BRCA1: variants seen among roughly 807,000 people sequenced by gnomAD.
The protein encoded by BRCA1 is BRCA1 DNA repair associated, also known as breast cancer type 1 susceptibility protein.
BRCA1 carries 140 observed loss-of-function variants against 173.7 expected under a neutral mutation model. The observed-to-expected ratio is 0.81, with a 90% CI of 0.70 to 0.93. The LOEUF (loss-of-function observed/expected upper bound fraction) is 0.93. BRCA1 is among the 40% of genes least tolerant of loss of function. The pLI, the probability that BRCA1 is intolerant of heterozygous loss-of-function variation, is 0.00. For synonymous variants in BRCA1, 662 were observed against 756.0 expected (o/e 0.88, Z 2.04); for missense variants, 1,983 against 2,172.5 (o/e 0.91, Z 1.73).
chr17:43,147,056 G>A (rs2056127097), intron 1 of BRCA1, among the ~76,000 whole-genome samples: 1 of 152,198 alleles, frequency 6.6e-6, no homozygotes, highest in Admixed American at 6.5e-5. Context: ...CCAGGCTAGA[G>A]TGCAATGGCG....
intron 2 of BRCA1, among the ~76,000 whole-genome samples, chr17:43,122,000 A>G (rs1300217858): frequency 2.6e-5 from 4 of 152,150 alleles, no homozygotes; most frequent in Non-Finnish European, 1.5e-5. Context: ...TTTTCCTACA[A>G]TGTCATTTCC....
Position 43,161,362 on chromosome 17 carries a change from C to T in BRCA1, c.-20+8764G>A, listed in dbSNP as rs570571768. 1.1e-4 allele frequency: 16 copies of T among 152,234 alleles called. No individual in the cohort carries two copies. The East Asian group carries it at 3.1e-3, about 29-fold the overall frequency. 9.4% of individuals were successfully genotyped at this position (152,234 alleles called of 1,614,324 possible). A position where few individuals can be genotyped will look rare whatever the true frequency, so the allele number is the denominator to read the frequency against. Reference sequence around the variant, plus strand: ...ATACTGTATGATTCTCTCAGGGGGCCATTTATCATTGTTTCAATTTCTTAT... The same window carrying T: ...ATACTGTATGATTCTCTCAGGGGGCTATTTATCATTGTTTCAATTTCTTAT... On this transcript the variant is annotated intron_variant, in intron 1 of 7. Transcript: ENST00000634433.
In BRCA1 at chr17:43,099,811, T is replaced by C. The variant is rs777515082; in HGVS notation, c.511A>G (p.Ile171Val). ...TAGACAGACGTCTTTTGAGGTTGTA[T>C]CCGCTGCTTTGTCCTCAGAGTTCTC... ...TVRTLRTKQRIQPQKTSVYIE... is the reference protein window; with the variant it reads ...TVRTLRTKQRVQPQKTSVYIE... The change falls in exon 7 of 23, where the codon ATA becomes GTA. Residue 171 changes from isoleucine (I) to valine (V), a missense_variant. Physicochemically the swap from Ile to Val is conservative, Grantham distance 29. Transcript: ENST00000357654. 1 of 1,613,592 alleles carries C rather than the reference T, an allele frequency of 6.2e-7. No individual in the cohort carries two copies. The highest frequency in any genetic ancestry group is 1.1e-5 in the South Asian group (1 of 91,074).
upstream of BRCA1, among the ~76,000 whole-genome samples, chr17:43,128,997 G>T (rs1249725449): frequency 1.3e-5 from 2 of 152,050 alleles, no homozygotes; most frequent in Non-Finnish European, 2.9e-5. Context: ...CTCTGGTGGA[G>T]ACAGTAACCA....
chr17:43,164,059 A>G (rs1455432852), intron 1 of BRCA1: 2 of 152,250 alleles, frequency 1.3e-5, no homozygotes, highest in Non-Finnish European at 1.5e-5. Flanking sequence ...GTGCACAAGC[A>G]TAACAATTGC....
intron 13 of BRCA1, 34 bp downstream of exon 13, chr17:43,076,454 G>C (rs2154055741): frequency 6.2e-7 from 1 of 1,610,266 alleles, no homozygotes; most frequent in Non-Finnish European, 8.5e-7. Context: ...AAAGATGTCA[G>C]ATACCACAGC....
At chr17:43,126,163 G>T (rs575394096), upstream of BRCA1, among the ~76,000 whole-genome samples, 23 of 152,232 alleles carry the variant, frequency 1.5e-4, no homozygotes, top group Non-Finnish European at 2.9e-4. Flanking sequence ...GGGGAAATGC[G>T]CTCTGGCCCA....
chr17:43,146,489 T>C (rs1426361032), intron 1 of BRCA1, among the ~76,000 whole-genome samples: 1 of 151,796 alleles, frequency 6.6e-6, no homozygotes, highest in Non-Finnish European at 1.5e-5. Flanking sequence ...TTCGTATTTT[T>C]AGTAGAGACG....
At chr17:43,063,790 A>T (rs2051899672) in intron 17 of BRCA1, 84 bp downstream of exon 17, 2 of 1,130,194 alleles carry the variant, frequency 1.8e-6, no homozygotes, top group Middle Eastern at 2.1e-4. Flanking sequence ...AGCATCAGCA[A>T]AAACCTTAGG....
chr17:43,044,804 C>CTTTTT lies in BRCA1; in HGVS notation c.*869_*873dup, dbSNP rs59541324. 2 of 381,490 alleles carry CTTTTT rather than the reference C, an allele frequency of 5.2e-6. No individual in the cohort carries two copies. Among genetic ancestry groups the CTTTTT allele is most frequent in the African/African-American group, 2.7e-5 (1 of 37,618 alleles). The allele number at this position is 381,490 out of a possible 1,614,324, so 23.6% of individuals were successfully genotyped here. On this transcript the variant is annotated 3_prime_UTR_variant, in exon 23 of 23. Transcript: ENST00000357654. ...AGAAATCTCTTCTAGTTTCATTTTC[C>CTTTTT]TTTTTTTTTTTTTTTTTTTGAGCCA...
chr17:43,077,338 T>C (rs1597840525), intron 12 of BRCA1, among the ~76,000 whole-genome samples: 1 of 151,566 alleles, frequency 6.6e-6, no homozygotes, highest in Non-Finnish European at 1.5e-5. Context: ...GTTAGTTCTT[T>C]TTTTTTTTTT....
intron 13 of BRCA1, 128 bp downstream of exon 13, chr17:43,076,360 G>T: frequency 9.0e-7 from 1 of 1,112,418 alleles, no homozygotes; most frequent in Non-Finnish European, 1.3e-6. Flanking sequence ...GTATCCTAGA[G>T]CAATAAAAGT....
chr17:43,056,701 A>AAGAG (rs151321765), intron 19 of BRCA1, among the ~76,000 whole-genome samples: 2 of 150,840 alleles, frequency 1.3e-5, no homozygotes, highest in East Asian at 1.9e-4. Flanking sequence ...GAGAGAGAGC[A>AAGAG]AGAGAGAGAG....
At chr17:43,046,202 C>T (rs922901571) in intron 22 of BRCA1, among the ~76,000 whole-genome samples, 20 of 133,178 alleles carry the variant, frequency 1.5e-4, no homozygotes, top group African/African-American at 4.8e-4. Context: ...GGATTACAGG[C>T]GTGAGCCACT....
intron 1 of BRCA1, among the ~76,000 whole-genome samples, chr17:43,136,527 T>C (rs1230840391): frequency 6.6e-6 from 1 of 152,106 alleles, no homozygotes; most frequent in Non-Finnish European, 1.5e-5. Flanking sequence ...ATTTTTACAA[T>C]CTACCCATCT....
At chr17:43,103,868 G>A (rs893636875) in intron 6 of BRCA1, among the ~76,000 whole-genome samples, 1 of 151,812 alleles carries the variant, frequency 6.6e-6, no homozygotes, top group African/African-American at 2.4e-5. Context: ...GCAATTTGGG[G>A]AGCCGAGGTG....
At chr17:43,125,400 T>G (rs2055839179), upstream of BRCA1, 3 of 394,616 alleles carry the variant, frequency 7.6e-6, no homozygotes, top group African/African-American at 4.2e-5. Flanking sequence ...TTAATTTATC[T>G]GTAATTCCCG....
chr17:43,140,306 T>C (rs1135214), intron 1 of BRCA1: 49,271 of 163,606 alleles, frequency 0.3, 8,103 homozygotes, highest in South Asian at 0.49. Flanking sequence ...ATATCCTTTG[T>C]AATAAATCAG....
chr17:43,128,052 G>C (rs1037113393), upstream of BRCA1, among the ~76,000 whole-genome samples: 1 of 135,460 alleles, frequency 7.4e-6, no homozygotes, highest in African/African-American at 3.0e-5. Context: ...AAAAAAAAAT[G>C]CAGGCTGCCT....
Sources: allele counts gnomAD v4.1 joint callset (sites outside exome capture counted in the v4.1 genomes callset), GRCh38; gene constraint gnomAD v4.1.1; transcripts MANE v1.5; gene names NCBI Gene and HGNC (gene_info 2026-07-23, HGNC 2026-07-21).